RNF175: variants seen among roughly 807,000 people sequenced by gnomAD.
RNF175 encodes ring finger protein 175.
RNF175 carries 38 observed loss-of-function variants against 50.0 expected under a neutral mutation model. That is an observed-to-expected ratio of 0.76 (90% CI 0.59 to 1.00). The LOEUF is 1.00. RNF175 is among the 50% of genes least tolerant of loss of function. The pLI is 0.00. For missense variants in RNF175, 388 were observed against 409.6 expected, an observed-to-expected ratio of 0.95 and a Z score of 0.46; for synonymous variants, 155 against 146.1, an observed-to-expected ratio of 1.06 and a Z score of -0.44.
At position 153,759,905 on chromosome 4, in the gene RNF175, G is replaced by C. The variant is rs1740748690; in HGVS notation, c.-43C>G. 11 of 1,261,322 alleles carry C rather than the reference G, an allele frequency of 8.7e-6. No individual in the cohort carries two copies. Among genetic ancestry groups the C allele is most frequent in the Non-Finnish European group, 1.0e-5 (10 of 977,480 alleles). The allele number at this position is 1,261,322 out of a possible 1,614,324, so 78.1% of individuals were successfully genotyped here. ...TTCTCCAGGGCACAGCGCCTGCCGG[G>C]GAGGGTCCCGCAGAGTCCGCAGAAG... On this transcript the variant is annotated 5_prime_UTR_variant, in exon 1 of 9. Coordinates refer to ENST00000347063, the MANE Select transcript of RNF175 (RefSeq NM_173662.4).
intron 3 of RNF175, among the ~76,000 whole-genome samples, chr4:153,742,530 A>G (rs1739725661): frequency 6.6e-6 from 1 of 152,132 alleles, no homozygotes; most frequent in Admixed American, 6.5e-5. Flanking sequence ...GGAGTCAACT[A>G]ATAGTACTGA....
At chr4:153,741,695 A>G (rs1412384566) in intron 3 of RNF175, among the ~76,000 whole-genome samples, 1 of 152,148 alleles carries the variant, frequency 6.6e-6, no homozygotes, top group Non-Finnish European at 1.5e-5. Flanking sequence ...CTGACTTCCA[A>G]GCTTTTTATA....
chr4:153,718,147 C>T (rs1173658580), intron 6 of RNF175, among the ~76,000 whole-genome samples: 1 of 151,374 alleles, frequency 6.6e-6, no homozygotes, highest in East Asian at 1.9e-4. Context: ...CACTCAGCAA[C>T]ATGCATTTAA....
At chr4:153,759,387 C>T (rs1288732753) in intron 1 of RNF175, among the ~76,000 whole-genome samples, 1 of 152,186 alleles carries the variant, frequency 6.6e-6, no homozygotes, top group African/African-American at 2.4e-5. Flanking sequence ...TACACCCCTT[C>T]CCCTCTCTCG....
intron 3 of RNF175, among the ~76,000 whole-genome samples, chr4:153,737,818 C>CT (rs1271172290): frequency 6.6e-6 from 1 of 152,140 alleles, no homozygotes; most frequent in East Asian, 1.9e-4. Context: ...TTAGAGCAAG[C>CT]TGATGAATGG....
chr4:153,720,566 A>G, intron 5 of RNF175: 2 of 360,116 alleles, frequency 5.6e-6, no homozygotes, highest in South Asian at 5.6e-5. Flanking sequence ...TGCCTAGACA[A>G]GCTGACTCTG....
At chr4:153,748,843 A>AAAAT in intron 2 of RNF175, 57 bp from the exon 3 acceptor site, 1 of 1,487,218 alleles carries the variant, frequency 6.7e-7, no homozygotes, top group Non-Finnish European at 9.0e-7. Flanking sequence ...GCATTTAGCA[A>AAAAT]AAAAAACAAA....
At chr4:153,741,531 A>T (rs946437524) in intron 3 of RNF175, among the ~76,000 whole-genome samples, 1 of 152,168 alleles carries the variant, frequency 6.6e-6, no homozygotes, top group African/African-American at 2.4e-5. Context: ...TTCTGCTTTC[A>T]GGAAGGAGAT....
Position 153,720,290 on chromosome 4 carries a change from TC to T in RNF175, c.523del (p.Asp175IlefsTer18). The T allele has an allele frequency of 6.2e-7, 1 of 1,612,930 alleles. No individual in the cohort carries two copies. The highest frequency in any genetic ancestry group is 1.3e-5 in the African/African-American group (1 of 75,028). On this transcript the variant is annotated frameshift_variant, in exon 6 of 9. Coordinates refer to ENST00000347063, the MANE Select transcript of RNF175 (RefSeq NM_173662.4). LOFTEE classifies it high-confidence loss of function. ...FNLFFKIKAR[D>X]SMDFGIVSLF... ...AGACACAATGCCAAAATCCATGGAA[TC>T]TCTAGCTTTGATTCTATTGAAAACA... is the stretch of plus-strand genomic sequence containing the variant.
chr4:153,722,459 C>T (rs1056224680), intron 5 of RNF175, among the ~76,000 whole-genome samples: 1 of 152,058 alleles, frequency 6.6e-6, no homozygotes, highest in Admixed American at 6.5e-5. Flanking sequence ...GGTTTCCCAG[C>T]TTTATTTTTT....
chr4:153,724,666 T>A (rs1738564432), intron 4 of RNF175, among the ~76,000 whole-genome samples: 1 of 152,086 alleles, frequency 6.6e-6, no homozygotes, highest in African/African-American at 2.4e-5. Context: ...ATTACTAGCA[T>A]AAGGTTTCAA....
chr4:153,759,796 CCTG>C lies in RNF175; in HGVS notation c.64_66del (p.Gln22del). 1 of 1,480,044 alleles carries C rather than the reference CCTG, an allele frequency of 6.8e-7. No homozygotes were observed. 91.7% of individuals were successfully genotyped at this position (1,480,044 alleles called of 1,614,324 possible). ...CCACGCCCGCGCCCCCGCGCCAGTA[CCTG>C]CTCCTGCTGCGGGGGGGCCTCCAGC... On this transcript the variant is annotated inframe_deletion and splice_region_variant, in exon 1 of 9. Coordinates refer to ENST00000347063, the MANE Select transcript of RNF175 (RefSeq NM_173662.4).
intron 3 of RNF175, among the ~76,000 whole-genome samples, chr4:153,731,276 G>T (rs954244625): frequency 6.6e-6 from 1 of 152,144 alleles, no homozygotes; most frequent in Non-Finnish European, 1.5e-5. Flanking sequence ...TAGGAATGCT[G>T]TCCCTCATAA....
intron 1 of RNF175, among the ~76,000 whole-genome samples, chr4:153,754,062 C>T (rs936844698): frequency 6.6e-6 from 1 of 151,140 alleles, no homozygotes; most frequent in African/African-American, 2.4e-5. Context: ...CCCAGCTACT[C>T]AGGAGGATGC....
intron 3 of RNF175, among the ~76,000 whole-genome samples, chr4:153,743,363 G>A (rs1015320744): frequency 3.9e-5 from 6 of 152,164 alleles, no homozygotes; most frequent in African/African-American, 1.4e-4. Context: ...AGATTGAGTA[G>A]CCCCTCAATA....
intron 3 of RNF175, among the ~76,000 whole-genome samples, chr4:153,742,524 T>A (rs2127147823): frequency 6.6e-6 from 1 of 152,162 alleles, no homozygotes; most frequent in South Asian, 2.1e-4. Context: ...GCTTTCGGAG[T>A]CAACTAATAG....
chr4:153,740,232 A>G (rs1205512501), intron 3 of RNF175, among the ~76,000 whole-genome samples: 1 of 151,888 alleles, frequency 6.6e-6, no homozygotes, highest in Non-Finnish European at 1.5e-5. Flanking sequence ...CTCTGATTAC[A>G]TTACCCATCT....
chr4:153,753,491 G>C (rs1196246169), intron 1 of RNF175, among the ~76,000 whole-genome samples: 1 of 151,942 alleles, frequency 6.6e-6, no homozygotes, highest in Non-Finnish European at 1.5e-5. Context: ...TGCTTTAGAG[G>C]ACCCTGGACA....
At chr4:153,711,764 A>C (rs2127081243) in intron 8 of RNF175, among the ~76,000 whole-genome samples, 1 of 152,288 alleles carries the variant, frequency 6.6e-6, no homozygotes, top group Non-Finnish European at 1.5e-5. Flanking sequence ...GTTGAAGACA[A>C]AGTCTTTCTA....
Sources: allele counts gnomAD v4.1 joint callset (sites outside exome capture counted in the v4.1 genomes callset), GRCh38; gene constraint gnomAD v4.1.1; transcripts MANE v1.5; gene names NCBI Gene and HGNC (gene_info 2026-07-23, HGNC 2026-07-21).